CD86: variants seen among roughly 807,000 people sequenced by gnomAD.
CD86 encodes the protein T-lymphocyte activation antigen CD86.
A neutral mutation model predicts 32.1 loss-of-function variants in CD86; 11 were observed. The observed-to-expected ratio is 0.34, with a 90% CI of 0.22 to 0.57. The LOEUF (loss-of-function observed/expected upper bound fraction) is 0.57. Ranked by LOEUF, CD86 falls within the 20% of genes least tolerant of loss-of-function variation. The pLI, the probability that CD86 is intolerant of heterozygous loss-of-function variation, is 0.86. For missense variants in CD86, 359 were observed against 398.4 expected, an observed-to-expected ratio of 0.90 and a Z score of 0.84; for synonymous variants, 137 against 135.3, an observed-to-expected ratio of 1.01 and a Z score of -0.09.
intron 5 of CD86, among the ~76,000 whole-genome samples, chr3:122,109,896 TTAAC>T (rs2073147089): frequency 6.6e-6 from 1 of 152,218 alleles, no homozygotes; most frequent in African/African-American, 2.4e-5. Context: ...AATATTAACT[TTAAC>T]TAATTTCTAA....
chr3:122,094,905 C>G (rs1300859988), intron 2 of CD86, among the ~76,000 whole-genome samples: 1 of 152,230 alleles, frequency 6.6e-6, no homozygotes, highest in Non-Finnish European at 1.5e-5. Context: ...CCTAGTGCCA[C>G]CTGCAGAGGC....
rs76432824 is a variant in CD86 at position 122,097,454 on chromosome 3, C to T, written c.64+5804C>T. 8.7e-3 allele frequency among the ~76,000 whole-genome samples: 1,319 copies of T among 152,248 alleles called. 8 individuals carry two copies. The highest frequency in any genetic ancestry group is 0.014 in the Non-Finnish European group (923 of 68,018). Reference sequence around the variant, plus strand: ...TAGTTCAGCTTTTAATCTCTTACTACGACGGTATAATCAAGAGGCTAAAAT... The same window carrying T: ...TAGTTCAGCTTTTAATCTCTTACTATGACGGTATAATCAAGAGGCTAAAAT... On this transcript the variant is annotated intron_variant, in intron 2 of 6. Transcript: ENST00000330540.
intron 1 of CD86, 27 bp downstream of exon 1, chr3:122,055,530 G>A (rs2072220779): frequency 6.2e-7 from 1 of 1,612,082 alleles, no homozygotes. Flanking sequence ...ATTCTTTGCA[G>A]AGAAGTTATG....
At position 122,103,790 on chromosome 3, in the gene CD86, A is replaced by C. The variant is rs1424997270; in HGVS notation, c.343A>C (p.Lys115Gln). ...KGLYQCIIHH[K>Q]KPTGMIRIHQ... The stretch of plus-strand genomic sequence containing the variant: ...CTTGTATCAATGTATCATCCATCAC[A>C]AAAAGCCCACAGGAATGATTCGCAT... The change falls in exon 3 of 7, where the codon AAA becomes CAA. Residue 115 changes from lysine (K) to glutamine (Q), a missense_variant. Physicochemically the swap from Lys to Gln is moderately conservative, Grantham distance 53. Transcript: ENST00000330540. 7.4e-6 allele frequency: 12 copies of C among 1,614,028 alleles called. No homozygotes were observed. The highest frequency in any genetic ancestry group is 1.0e-5 in the Non-Finnish European group (12 of 1,179,886).
chr3:122,084,329 T>A (rs2072682079), intron 1 of CD86, among the ~76,000 whole-genome samples: 1 of 151,852 alleles, frequency 6.6e-6, no homozygotes. Flanking sequence ...AGAGCAGGAG[T>A]CAAGCAGTTT....
intron 5 of CD86, among the ~76,000 whole-genome samples, chr3:122,115,740 CA>C (rs769868417): frequency 0.092 from 2,521 of 27,446 alleles, 7 homozygotes; most frequent in African/African-American, 0.15. Context: ...AACTCCCTCT[CA>C]AAAAAAAAAA....
intron 1 of CD86, among the ~76,000 whole-genome samples, chr3:122,073,400 T>C (rs1177604724): frequency 6.6e-6 from 1 of 152,136 alleles, no homozygotes; most frequent in South Asian, 2.1e-4. Flanking sequence ...AAGAGTTCAT[T>C]GTGTATTTTG....
At chr3:122,112,650 G>A (rs9848900) in intron 5 of CD86, among the ~76,000 whole-genome samples, 98,103 of 152,020 alleles carry the variant, frequency 0.65, 32,803 homozygotes, top group Admixed American at 0.75. Flanking sequence ...TGCTGAATTT[G>A]TAAGCAAATT....
intron 1 of CD86, among the ~76,000 whole-genome samples, chr3:122,064,999 A>T (rs1438397987): frequency 3.9e-5 from 6 of 152,234 alleles, no homozygotes; most frequent in African/African-American, 1.4e-4. Context: ...AGCCTCTAAA[A>T]GGAATTATGG....
At position 122,106,347 on chromosome 3, in the gene CD86, G is replaced by A; in HGVS notation, c.550G>A (p.Gly184Ser). The change falls in exon 4 of 7, where the codon GGT (glycine) becomes AGT (serine). Residue 184 changes from glycine (G) to serine (S), a missense_variant. Transcript: ENST00000330540. ...CAAGAATTCAACTATCGAGTATGAT[G>A]GTGTTATGCAGAAATCTCAAGATAA... ...RTKNSTIEYD[G>S]VMQKSQDNVT... is the part of the protein sequence containing the mutation. 1.9e-6 allele frequency: 3 copies of A among 1,614,040 alleles called. No individual in the cohort carries two copies. Among genetic ancestry groups the A allele is most frequent in the African/African-American group, 1.3e-5 (1 of 75,018 alleles).
At chr3:122,083,063 C>G (rs2072656433) in intron 1 of CD86, among the ~76,000 whole-genome samples, 3 of 152,136 alleles carry the variant, frequency 2.0e-5, no homozygotes. Context: ...ATTTCTTGAT[C>G]TATCCACTTT....
At chr3:122,118,946 G>A (rs577080913) in intron 6 of CD86, among the ~76,000 whole-genome samples, 1 of 152,264 alleles carries the variant, frequency 6.6e-6, no homozygotes, top group African/African-American at 2.4e-5. Flanking sequence ...TCAAGGCTCT[G>A]ACTGCATACC....
At chr3:122,114,248 C>T (rs2073217265) in intron 5 of CD86, among the ~76,000 whole-genome samples, 1 of 148,724 alleles carries the variant, frequency 6.7e-6, no homozygotes, top group Admixed American at 6.6e-5. Flanking sequence ...ATCAAGATTC[C>T]GTCTTAAAAA....
chr3:122,064,544 G>A lies in CD86; in HGVS notation c.14+9041G>A, dbSNP rs2072386594. On this transcript the variant is annotated intron_variant, in intron 1 of 6. Transcript: ENST00000330540. ...CGTATGAATGGCAGAAGCTGTGTATGTCCACAGGCGAGCCCCATTTCAAGA... is the reference window on the plus strand; with the variant it reads ...CGTATGAATGGCAGAAGCTGTGTATATCCACAGGCGAGCCCCATTTCAAGA... Among the ~76,000 whole-genome samples the A allele has an allele frequency of 2.6e-5, 4 of 152,262 alleles. No homozygotes were observed. The South Asian group carries it at 8.3e-4, about 32-fold the overall frequency.
At chr3:122,077,718 T>C in intron 1 of CD86, 2 of 976,740 alleles carry the variant, frequency 2.0e-6, no homozygotes, top group Non-Finnish European at 2.4e-6. Context: ...TTCCCAGGGC[T>C]TTACACTCAT....
intron 5 of CD86, among the ~76,000 whole-genome samples, chr3:122,110,879 AT>A (rs978607334): frequency 1.3e-5 from 2 of 152,202 alleles, no homozygotes; most frequent in African/African-American, 4.8e-5. Flanking sequence ...TGTTTGCTAG[AT>A]TTTTCTTCAC....
intron 6 of CD86, 117 bp downstream of exon 6, chr3:122,118,210 G>C: frequency 1.2e-6 from 1 of 800,394 alleles, no homozygotes; most frequent in South Asian, 1.5e-5. Flanking sequence ...AACTAATGGA[G>C]AGGGAGAGGA....
Position 122,119,755 on chromosome 3 carries a change from G to A in CD86, c.*221G>A. 2.1e-6 allele frequency: 1 copy of A among 477,306 alleles called. No homozygotes were observed. The highest frequency in any genetic ancestry group is 3.7e-6 in the Non-Finnish European group (1 of 272,106). The allele number at this position is 477,306 out of a possible 1,614,324, so 29.6% of individuals were successfully genotyped here. On this transcript the variant is annotated 3_prime_UTR_variant, in exon 7 of 7. Coordinates refer to ENST00000330540, the MANE Select transcript of CD86 (RefSeq NM_175862.5). ...TCTCTTACTGCTTCTTTTCACTTCA[G>A]AGCACACTTATGGGCCAAGCCCAGC...
rs1352297313 is a variant in CD86, at chr3:122,091,612, T to A, written c.26T>A (p.Leu9Gln). The change falls in exon 2 of 7, where the codon CTG becomes CAG. Residue 9 changes from leucine to glutamine, a missense_variant. Transcript: ENST00000330540. MDPQCTMG[L>Q]SNILFVMAFL... The stretch of plus-strand genomic sequence containing the variant: ...TTTCTCGACTCTAGCACTATGGGAC[T>A]GAGTAACATTCTCTTTGTGATGGCC... 4 of 1,612,428 alleles carry A rather than the reference T, an allele frequency of 2.5e-6. No homozygotes were observed. The highest frequency in any genetic ancestry group is 3.4e-6 in the Non-Finnish European group (4 of 1,178,554).
Sources: allele counts gnomAD v4.1 joint callset (sites outside exome capture counted in the v4.1 genomes callset), GRCh38; gene constraint gnomAD v4.1.1; transcripts MANE v1.5; gene names NCBI Gene and HGNC (gene_info 2026-07-23, HGNC 2026-07-21).